ACSF3: variants seen among roughly 807,000 people sequenced by gnomAD.
ACSF3 encodes malonate--CoA ligase ACSF3, mitochondrial.
In ACSF3, 78 loss-of-function variants were observed where a neutral mutation model predicts 53.2. The observed-to-expected ratio is 1.47, with a 90% CI of 1.22 to 1.77. The LOEUF (loss-of-function observed/expected upper bound fraction) is 1.77. Ranked by LOEUF, ACSF3 falls within the 40% of genes most tolerant of loss-of-function variation. The probability of loss-of-function intolerance (pLI) is 0.00; values close to 1 mark genes in which losing one functional copy is unlikely to be tolerated. For missense variants in ACSF3, 937 were observed against 771.1 expected, an observed-to-expected ratio of 1.22 and a Z score of -2.55; for synonymous variants, 414 against 333.1, an observed-to-expected ratio of 1.24 and a Z score of -2.65.
At chr16:89,099,419 T>C (rs1391681544) in intron 2 of ACSF3, among the ~76,000 whole-genome samples, 1 of 152,136 alleles carries the variant, frequency 6.6e-6, no homozygotes, top group Admixed American at 6.5e-5. Flanking sequence ...GTTAAGTTTT[T>C]GGGGGGAAAG....
intron 7 of ACSF3, among the ~76,000 whole-genome samples, chr16:89,131,424 T>C (rs1313944427): frequency 6.6e-6 from 1 of 152,182 alleles, no homozygotes; most frequent in Non-Finnish European, 1.5e-5. Context: ...TTTATAATAG[T>C]GCTTTAAAGT....
In ACSF3 at chr16:89,154,879, G is replaced by A. The variant is rs78403542; in HGVS notation, c.*672G>A. The A allele has an allele frequency of 4.0e-5, 18 of 453,920 alleles. No homozygotes were observed. Among genetic ancestry groups the A allele is most frequent in the Non-Finnish European group, 6.6e-5 (15 of 226,804 alleles). The allele number at this position is 453,920 out of a possible 1,614,324, so 28.1% of individuals were successfully genotyped here. On this transcript the variant is annotated 3_prime_UTR_variant, in exon 11 of 11. Transcript: ENST00000614302. ...CGGATGGCCCCGGAGCTGCTCTGCC[G>A]TGACCCTGCCTCACCCCCCAGCGCA...
chr16:89,107,507 C>G (rs1567694806), intron 4 of ACSF3, among the ~76,000 whole-genome samples: 1 of 152,230 alleles, frequency 6.6e-6, no homozygotes, highest in Non-Finnish European at 1.5e-5. Context: ...GTTTGTGTTT[C>G]TGGTTCACTG....
In ACSF3 at chr16:89,138,983, G is replaced by C. The variant is rs181311682; in HGVS notation, c.1366+5721G>C. ...CCCAGACTCGCCGGCTGCTGCTTCT[G>C]TGCGGTCCCCGCATCCCGAGGGCCG... On this transcript the variant is annotated intron_variant, in intron 8 of 10. Transcript: ENST00000614302. Among the ~76,000 whole-genome samples the C allele has an allele frequency of 1.8e-4, 27 of 152,268 alleles. No homozygotes were observed. In the East Asian group the frequency reaches 5.0e-3, roughly 28 times the overall value.
At chr16:89,121,457 C>A (rs1906631672) in intron 7 of ACSF3, among the ~76,000 whole-genome samples, 1 of 152,202 alleles carries the variant, frequency 6.6e-6, no homozygotes. Flanking sequence ...CTAAAGCTGA[C>A]AAGGGTGAAC....
At chr16:89,111,791 C>T (rs1444427648) in intron 4 of ACSF3, among the ~76,000 whole-genome samples, 1 of 152,226 alleles carries the variant, frequency 6.6e-6, no homozygotes, top group Non-Finnish European at 1.5e-5. Flanking sequence ...CCAAGGTGTA[C>T]ATCCGCCCTC....
At chr16:89,117,639 A>G (rs1305238598) in intron 6 of ACSF3, among the ~76,000 whole-genome samples, 1 of 150,860 alleles carries the variant, frequency 6.6e-6, no homozygotes, top group Non-Finnish European at 1.5e-5. Context: ...CGTCCACACC[A>G]AGAGCGCCAA....
chr16:89,102,520 C>G (rs956442814), intron 3 of ACSF3, 84 bp from the exon 4 acceptor site: 86 of 1,536,404 alleles, frequency 5.6e-5, no homozygotes, highest in Non-Finnish European at 7.0e-5. Flanking sequence ...GCCCAGAGCT[C>G]CTTTCCGTGA....
At chr16:89,152,372 C>G (rs1914194698) in intron 10 of ACSF3, 1 of 152,288 alleles carries the variant, frequency 6.6e-6, no homozygotes, top group African/African-American at 2.4e-5. Context: ...CTTTGGGAGG[C>G]CGAGGTGGGC....
At chr16:89,097,642 C>T (rs1313101027) in intron 1 of ACSF3, among the ~76,000 whole-genome samples, 2 of 152,198 alleles carry the variant, frequency 1.3e-5, no homozygotes, top group Non-Finnish European at 2.9e-5. Context: ...CTGGCACAGC[C>T]CACGTGCCGA....
chr16:89,154,025 C>T (rs1914431704), intron 10 of ACSF3, 65 bp from the exon 11 acceptor site: 48 of 1,525,582 alleles, frequency 3.1e-5, no homozygotes, highest in Non-Finnish European at 4.2e-5. Flanking sequence ...TACTGCTGGG[C>T]GCCTGAGTTC....
rs374662982 is a variant in ACSF3, at chr16:89,111,463, G to A, written c.823-629G>A. ...CCCTTAGGTGCTGACCCCACAGCAC[G>A]AAGAGTGCCCTCCTCCCTCCGCCAC... On this transcript the variant is annotated intron_variant, in intron 4 of 10. Transcript: ENST00000614302. Among the ~76,000 whole-genome samples the A allele has an allele frequency of 7.2e-5, 11 of 152,350 alleles. No individual in the cohort carries two copies. The East Asian group carries it at 1.5e-3, about 21-fold the overall frequency.
In ACSF3 at chr16:89,154,929, C is replaced by A; in HGVS notation, c.*722C>A. 1 of 454,084 alleles carries A rather than the reference C, an allele frequency of 2.2e-6. No homozygotes were observed. Among genetic ancestry groups the A allele is most frequent in the Non-Finnish European group, 4.4e-6 (1 of 226,760 alleles). 28.1% of individuals were successfully genotyped at this position (454,084 alleles called of 1,614,324 possible). A position where few individuals can be genotyped will look rare whatever the true frequency, so the allele number is the denominator to read the frequency against. On this transcript the variant is annotated 3_prime_UTR_variant, in exon 11 of 11. Transcript: ENST00000614302. ...AGGGACTTTCCAGGTCATCTCCACA[C>A]CAGCCCCTCAGCCGGTGAACCCTCT...
At position 89,099,564 on chromosome 16, in the gene ACSF3, G is replaced by A. The variant is rs146323787; in HGVS notation, c.-21+801G>A. 8.7e-3 allele frequency among the ~76,000 whole-genome samples: 1,319 copies of A among 152,184 alleles called. 19 individuals are homozygous for A. Among genetic ancestry groups the A allele is most frequent in the African/African-American group, 0.031 (1,275 of 41,506 alleles). ...GGGAGGCCAAGGTGAGTGGATCACC[G>A]GAGGTCAGGAGTTGGAGACCAGTCT... On this transcript the variant is annotated intron_variant, in intron 2 of 10. Transcript: ENST00000614302.
intron 1 of ACSF3, chr16:89,095,393 T>G (rs1352721132): frequency 6.6e-6 from 1 of 152,110 alleles, no homozygotes; most frequent in African/African-American, 2.4e-5. Flanking sequence ...TCCTTTTTGG[T>G]TTTTTTTATT....
chr16:89,120,109 C>T (rs950355242), intron 6 of ACSF3, among the ~76,000 whole-genome samples: 4 of 152,254 alleles, frequency 2.6e-5, no homozygotes, highest in Admixed American at 6.5e-5. Context: ...AGCGAGGCTG[C>T]GGCAGCCCTG....
intron 5 of ACSF3, chr16:89,113,875 C>A (rs577171277): frequency 4.3e-5 from 13 of 304,196 alleles, no homozygotes; most frequent in African/African-American, 2.2e-4. Flanking sequence ...CACCCATGTC[C>A]GCGTTCTGCT....
chr16:89,139,105 C>T (rs1408449946), intron 8 of ACSF3, among the ~76,000 whole-genome samples: 1 of 152,220 alleles, frequency 6.6e-6, no homozygotes, highest in Non-Finnish European at 1.5e-5. Flanking sequence ...TCCCGTATGG[C>T]ATCTGCACTA....
intron 3 of ACSF3, 88 bp downstream of exon 3, chr16:89,101,435 T>A (rs1257221291): frequency 6.5e-7 from 1 of 1,543,522 alleles, no homozygotes; most frequent in East Asian, 2.4e-5. Context: ...TTTCATTCGC[T>A]TTTCTGTGGA....
Sources: allele counts gnomAD v4.1 joint callset (sites outside exome capture counted in the v4.1 genomes callset), GRCh38; gene constraint gnomAD v4.1.1; transcripts MANE v1.5; gene names NCBI Gene and HGNC (gene_info 2026-07-23, HGNC 2026-07-21).